The following C6orf132 variants were observed in gnomAD, a reference collection of about 807,000 sequenced individuals.
The protein encoded by C6orf132 is chromosome 6 open reading frame 132.
A neutral mutation model predicts 65.3 loss-of-function variants in C6orf132; 43 were observed. The observed-to-expected ratio is 0.66, with a 90% CI of 0.52 to 0.85. The LOEUF is 0.85. Ranked by LOEUF, C6orf132 falls within the 40% of genes least tolerant of loss-of-function variation. The probability of loss-of-function intolerance (pLI) is 0.00; values close to 1 mark genes in which losing one functional copy is unlikely to be tolerated. For missense variants in C6orf132, 1,488 were observed against 1,548.8 expected (o/e 0.96, Z 0.66); for synonymous variants, 631 against 654.1 (o/e 0.96, Z 0.54).
chr6:42,122,945 T>C (rs1215260194), intron 2 of C6orf132, among the ~76,000 whole-genome samples: 1 of 152,164 alleles, frequency 6.6e-6, no homozygotes, highest in African/African-American at 2.4e-5. Flanking sequence ...AGTTTTCCCA[T>C]ACTTGCCACA....
rs538435660 is a variant in C6orf132 at position 42,113,498 on chromosome 6, C to T, written c.253-3207G>A. Among the ~76,000 whole-genome samples the T allele has an allele frequency of 5.3e-5, 8 of 152,340 alleles. No individual in the cohort carries two copies. The South Asian group carries it at 1.7e-3, about 32-fold the overall frequency. On this transcript the variant is annotated intron_variant, in intron 2 of 4. Coordinates refer to ENST00000341865, the MANE Select transcript of C6orf132 (RefSeq NM_001164446.3). ...TCCACCTTACCTTTTCTACAGATCACTGAGACCCATTTTCTTCACTTAGAA... is the reference window on the plus strand; with the variant it reads ...TCCACCTTACCTTTTCTACAGATCATTGAGACCCATTTTCTTCACTTAGAA...
In C6orf132 at chr6:42,104,911, G is replaced by T; in HGVS notation, c.3001C>A (p.Pro1001Thr). 1 of 1,455,520 alleles carries T rather than the reference G, an allele frequency of 6.9e-7. No individual in the cohort carries two copies. Among genetic ancestry groups the T allele is most frequent in the Non-Finnish European group, 9.0e-7 (1 of 1,108,118 alleles). The allele number at this position is 1,455,520 out of a possible 1,614,324, so 90.2% of individuals were successfully genotyped here. ...EFSNDPEPPA[P>T]ALQYLGRQSS... is the part of the protein sequence containing the mutation. ...TGGCGGCCCAGATACTGGAGGGCCGGGGCCGGGGGCTCAGGGTCATTGCTG... is the reference window on the plus strand; with the variant it reads ...TGGCGGCCCAGATACTGGAGGGCCGTGGCCGGGGGCTCAGGGTCATTGCTG... Residue 1001 changes from proline (P) to threonine (T), a missense_variant, in exon 4 of 5, where the codon CCG (proline) becomes ACG (threonine). Transcript: ENST00000341865. This position sits in a 1 kb window ranked among gnomAD's most constrained non-coding sequence, Gnocchi z 4.1.
At chr6:42,135,329 C>T (rs912213826) in intron 1 of C6orf132, among the ~76,000 whole-genome samples, 12 of 152,350 alleles carry the variant, frequency 7.9e-5, no homozygotes, top group Middle Eastern at 3.4e-3. Flanking sequence ...CACTGCCTTA[C>T]GCATGGCAGG....
At chr6:42,127,719 C>T (rs1052446397) in intron 2 of C6orf132, among the ~76,000 whole-genome samples, 2 of 152,202 alleles carry the variant, frequency 1.3e-5, no homozygotes, top group African/African-American at 2.4e-5. Context: ...AGCCTTAAAT[C>T]TAGGAGCCTG....
At chr6:42,114,131 T>A (rs1441646217) in intron 2 of C6orf132, among the ~76,000 whole-genome samples, 2 of 152,138 alleles carry the variant, frequency 1.3e-5, no homozygotes, top group African/African-American at 4.8e-5. Context: ...TTAAAGCACT[T>A]AGAAAACACA....
chr6:42,139,047 G>A (rs2127480764), intron 1 of C6orf132, among the ~76,000 whole-genome samples: 1 of 152,282 alleles, frequency 6.6e-6, no homozygotes, highest in East Asian at 1.9e-4. Context: ...TTTACCCGCT[G>A]TACCCAGCCT....
intron 2 of C6orf132, among the ~76,000 whole-genome samples, chr6:42,122,812 G>T (rs1160988718): frequency 6.6e-6 from 1 of 152,148 alleles, no homozygotes; most frequent in African/African-American, 2.4e-5. Context: ...TGCAGGGCAG[G>T]CGAGGCCTCC....
chr6:42,142,585 A>T lies in C6orf132; in HGVS notation c.-141T>A. On this transcript the variant is annotated 5_prime_UTR_variant, in exon 1 of 5. Transcript: ENST00000341865. The stretch of plus-strand genomic sequence containing the variant: ...CGTCCTCCCCGCCCGCGCACCGGGC[A>T]ACAGGTGCTGCGGGCGCCGCCGCTT... 1 of 748,846 alleles carries T rather than the reference A, an allele frequency of 1.3e-6. No individual in the cohort carries two copies. The highest frequency in any genetic ancestry group is 1.9e-6 in the Non-Finnish European group (1 of 530,556). The allele number at this position is 748,846 out of a possible 1,614,324, so 46.4% of individuals were successfully genotyped here.
At chr6:42,118,454 G>A (rs894878244) in intron 2 of C6orf132, among the ~76,000 whole-genome samples, 1 of 152,192 alleles carries the variant, frequency 6.6e-6, no homozygotes, top group African/African-American at 2.4e-5. Flanking sequence ...GACAGACTTA[G>A]GAGCCCAGGG....
At chr6:42,111,504 G>A (rs991057887) in intron 2 of C6orf132, among the ~76,000 whole-genome samples, 5 of 152,016 alleles carry the variant, frequency 3.3e-5, no homozygotes, top group African/African-American at 1.2e-4. Flanking sequence ...GGCTGGTCCT[G>A]AACTCCTGAC....
chr6:42,124,577 G>A lies in C6orf132; in HGVS notation c.252+4095C>T, dbSNP rs1766736653. On this transcript the variant is annotated intron_variant, in intron 2 of 4. Transcript: ENST00000341865. The surrounding 1 kb of genome is among the most constrained non-coding windows in gnomAD (Gnocchi z 4.0). ...CTCTGAATGTGGGAAGGGAGGACAG[G>A]GAGGGGTGGAGGCCTGGCCGGCTGG... 6.6e-6 allele frequency among the ~76,000 whole-genome samples: 1 copy of A among 152,224 alleles called. No individual in the cohort carries two copies. The highest frequency in any genetic ancestry group is 2.4e-5 in the African/African-American group (1 of 41,454).
At chr6:42,123,599 G>GA (rs1474542479) in intron 2 of C6orf132, among the ~76,000 whole-genome samples, 5 of 151,408 alleles carry the variant, frequency 3.3e-5, no homozygotes, top group African/African-American at 1.2e-4. Context: ...GAAGAAGAAA[G>GA]AAGGAAGAAG....
At position 42,103,678 on chromosome 6, in the gene C6orf132, G is replaced by T; in HGVS notation, c.*83C>A. Reference sequence around the variant, plus strand: ...AGTCAGGTCGCCCAACACCTGCTGTGTACCTCCCACCCCCCACAAGAAACA... The same window carrying T: ...AGTCAGGTCGCCCAACACCTGCTGTTTACCTCCCACCCCCCACAAGAAACA... On this transcript the variant is annotated 3_prime_UTR_variant, in exon 5 of 5. Coordinates refer to ENST00000341865, the MANE Select transcript of C6orf132 (RefSeq NM_001164446.3). The T allele has an allele frequency of 1.1e-6, 1 of 907,978 alleles. No homozygotes were observed. Among genetic ancestry groups the T allele is most frequent in the Non-Finnish European group, 1.5e-6 (1 of 669,356 alleles). 56.2% of individuals were successfully genotyped at this position (907,978 alleles called of 1,614,324 possible). A position where few individuals can be genotyped will look rare whatever the true frequency, so the allele number is the denominator to read the frequency against.
chr6:42,142,181 G>T, intron 1 of C6orf132, 119 bp downstream of exon 1: 1 of 1,193,672 alleles, frequency 8.4e-7, no homozygotes, highest in Non-Finnish European at 1.2e-6. Context: ...GGCTGCTCTC[G>T]GCCAGTCCGC....
chr6:42,136,928 G>A (rs773614845), intron 1 of C6orf132, among the ~76,000 whole-genome samples: 6 of 152,216 alleles, frequency 3.9e-5, no homozygotes, highest in South Asian at 2.1e-4. Flanking sequence ...GAGGAGCAGA[G>A]TGAACAGGGC....
intron 2 of C6orf132, chr6:42,126,700 G>A (rs1006448783): frequency 4.6e-5 from 14 of 301,294 alleles, no homozygotes; most frequent in Admixed American, 3.1e-4. Context: ...AAAATTTGCC[G>A]GGCATGGTGG....
In C6orf132 at chr6:42,104,843, G is replaced by A; in HGVS notation, c.3069C>T (p.Leu1023=). The A allele has an allele frequency of 6.9e-7, 1 of 1,457,394 alleles. No individual in the cohort carries two copies. The highest frequency in any genetic ancestry group is 9.0e-7 in the Non-Finnish European group (1 of 1,111,750). 90.3% of individuals were successfully genotyped at this position (1,457,394 alleles called of 1,614,324 possible). ...GGGGCGCCCCGGGGCCAGCGTTCGG[G>A]AGCTGCCTCAAGTCTGAGTAGTTGT... ...PRNNYSDLRQ[L]PNAGPGAPPA... The change falls in exon 4 of 5, where the codon CTC becomes CTT. Residue 1023 remains leucine, a synonymous_variant. Transcript: ENST00000341865. This position sits in a 1 kb window ranked among gnomAD's most constrained non-coding sequence, Gnocchi z 4.1.
At position 42,107,469 on chromosome 6, in the gene C6orf132, G is replaced by A; in HGVS notation, c.443C>T (p.Pro148Leu). Reference protein sequence around the residue: ...LIPPPPPGPAPGPPQDISEPP... With the variant: ...LIPPPPPGPALGPPQDISEPP... ...TTCTGAAATGTCCTGAGGGGGCCCT[G>A]GGGCTGGGCCTGGGGGAGGTGGGGG... The change falls in exon 4 of 5, where the codon CCA becomes CTA. Residue 148 changes from proline (P) to leucine (L), a missense_variant. Coordinates refer to ENST00000341865, the MANE Select transcript of C6orf132 (RefSeq NM_001164446.3). 6.5e-7 allele frequency: 1 copy of A among 1,545,708 alleles called. No homozygotes were observed. Among genetic ancestry groups the A allele is most frequent in the Non-Finnish European group, 8.7e-7 (1 of 1,144,500 alleles).
intron 3 of C6orf132, 145 bp downstream of exon 3, chr6:42,110,071 A>G: frequency 1.5e-6 from 1 of 656,294 alleles, no homozygotes; most frequent in Non-Finnish European, 2.5e-6. Flanking sequence ...CCAGTAATCA[A>G]GATGACTGAG....
Sources: allele counts gnomAD v4.1 joint callset (sites outside exome capture counted in the v4.1 genomes callset), GRCh38; gene constraint gnomAD v4.1.1; non-coding constraint Gnocchi (gnomAD v3.1); transcripts MANE v1.5; gene names NCBI Gene and HGNC (gene_info 2026-07-23, HGNC 2026-07-21).